Variants in NCR1 observed in about 807,000 individuals in gnomAD.
NCR1 encodes the protein natural cytotoxicity triggering receptor 1.
In NCR1, 30 loss-of-function variants were observed where a neutral mutation model predicts 32.5. The ratio of observed to expected loss-of-function variants is 0.92; its 90% confidence interval spans 0.69 to 1.25. The LOEUF is 1.25. Ranked by LOEUF, NCR1 falls within the 50% of genes most tolerant of loss-of-function variation. The pLI, the probability that NCR1 is intolerant of heterozygous loss-of-function variation, is 0.00. For missense variants in NCR1, 369 were observed against 380.7 expected (o/e 0.97, Z 0.26); for synonymous variants, 169 against 143.4 (o/e 1.18, Z -1.28).
At chr19:54,903,519 T>C (rs183557980), upstream of NCR1, among the ~76,000 whole-genome samples, 3 of 142,370 alleles carry the variant, frequency 2.1e-5, no homozygotes, top group East Asian at 2.0e-4. Context: ...CGCATACATG[T>C]GTGTATACAT....
the NCR1 span, among the ~76,000 whole-genome samples, chr19:54,937,754 G>A: frequency 2.4e-4 from 37 of 151,468 alleles, no homozygotes; most frequent in South Asian, 2.1e-4. Context: ...AAAATTAGCC[G>A]GGCAAGGTGG....
the NCR1 span, among the ~76,000 whole-genome samples, chr19:54,931,339 A>G: frequency 6.6e-6 from 1 of 151,984 alleles, no homozygotes; most frequent in East Asian, 1.9e-4. Context: ...TGGGTGAATC[A>G]CAAGATCAGG....
At chr19:54,933,990 T>G in the NCR1 span, among the ~76,000 whole-genome samples, 6 of 152,200 alleles carry the variant, frequency 3.9e-5, no homozygotes, top group African/African-American at 1.2e-4. Context: ...TCGCCCAGGC[T>G]GGAGTGCAGT....
chr19:54,936,358 G>T, the NCR1 span: 3 of 1,613,970 alleles, frequency 1.9e-6, no homozygotes, highest in East Asian at 2.2e-5. Context: ...AGGGTCAGGT[G>T]CGTGAGGGTC....
upstream of NCR1, among the ~76,000 whole-genome samples, chr19:54,903,560 AC>A (rs2067371085): frequency 6.9e-6 from 1 of 145,324 alleles, no homozygotes; most frequent in Admixed American, 7.1e-5. Flanking sequence ...GTGTATATAT[AC>A]ATATATGTGT....
the NCR1 span, chr19:54,934,640 TG>T: frequency 4.3e-6 from 7 of 1,613,426 alleles, 1 homozygote; most frequent in South Asian, 6.6e-5. This position sits in a 1 kb window ranked among gnomAD's most constrained non-coding sequence, Gnocchi z 6.7. Context: ...TGCTCCGGGG[TG>T]GCACAGTGAC....
chr19:54,907,629 C>T (rs2067704048), intron 3 of NCR1, among the ~76,000 whole-genome samples: 1 of 151,646 alleles, frequency 6.6e-6, no homozygotes, highest in Admixed American at 6.6e-5. Flanking sequence ...ATACTTTGTG[C>T]TAGGAAGGCT....
At chr19:54,904,759 C>T (rs199982189), upstream of NCR1, among the ~76,000 whole-genome samples, 10 of 152,120 alleles carry the variant, frequency 6.6e-5, no homozygotes, top group East Asian at 1.9e-3. Context: ...CTCGAACTCC[C>T]GACCTAAGGT....
chr19:54,908,490 T>A (rs965187115), intron 3 of NCR1, among the ~76,000 whole-genome samples: 1 of 152,156 alleles, frequency 6.6e-6, no homozygotes, highest in Non-Finnish European at 1.5e-5. Context: ...CCGTTCTCAA[T>A]GAGCTGTTGG....
Position 54,910,085 on chromosome 19 carries a change from A to G in NCR1, c.682+20A>G. 6.2e-7 allele frequency: 1 copy of G among 1,612,294 alleles called. No homozygotes were observed. The highest frequency in any genetic ancestry group is 8.5e-7 in the Non-Finnish European group (1 of 1,178,552). On this transcript the variant is annotated intron_variant, in intron 5 of 6. Transcript: ENST00000291890. ...TTCCTGGTGAGTAACTGGTCCTTCT[A>G]AGCTCAGACGAGCGATCAGAGCCTC...
At chr19:54,927,557 A>G in the NCR1 span, 3 of 1,553,262 alleles carry the variant, frequency 1.9e-6, no homozygotes, top group East Asian at 7.1e-5. Context: ...CTCCATCTCA[A>G]AAAAACAAAA....
downstream of NCR1, chr19:54,913,100 TG>T: frequency 2.4e-6 from 1 of 416,320 alleles, no homozygotes; most frequent in Non-Finnish European, 4.3e-6. Flanking sequence ...TTGCCCAGGC[TG>T]GAGTGCAATG....
chr19:54,936,541 G>A, the NCR1 span: 1 of 976,888 alleles, frequency 1.0e-6, no homozygotes, highest in Non-Finnish European at 1.6e-6. Flanking sequence ...GAAGTTCTTG[G>A]CCGGGTGCAG....
At chr19:54,910,193 T>A in intron 5 of NCR1, 128 bp downstream of exon 5, 1 of 880,182 alleles carries the variant, frequency 1.1e-6, no homozygotes, top group Non-Finnish European at 1.8e-6. Flanking sequence ...TCCCAGCACT[T>A]TGGGAGGCCG....
rs1184078688 is a variant in NCR1, at chr19:54,912,684, C to T, written c.734-6C>T. 4.4e-6 allele frequency: 7 copies of T among 1,593,832 alleles called. No individual in the cohort carries two copies. The highest frequency in any genetic ancestry group is 1.1e-5 in the South Asian group (1 of 90,634). ...GTCAGCGATCACCCTGTTCTCCTGCCTACAGACCATGCCCTCTGGGATCAC... is the reference window on the plus strand; with the variant it reads ...GTCAGCGATCACCCTGTTCTCCTGCTTACAGACCATGCCCTCTGGGATCAC... On this transcript the variant is annotated splice_region_variant and splice_polypyrimidine_tract_variant and intron_variant, in intron 6 of 6. Coordinates refer to ENST00000291890, the MANE Select transcript of NCR1 (RefSeq NM_004829.7).
At chr19:54,899,002 G>A in the NCR1 span, among the ~76,000 whole-genome samples, 1 of 152,106 alleles carries the variant, frequency 6.6e-6, no homozygotes, top group Non-Finnish European at 1.5e-5. Context: ...TGGGTCTGTA[G>A]AAAAGGAAGA....
At chr19:54,927,381 C>CAA in the NCR1 span, among the ~76,000 whole-genome samples, 7 of 138,788 alleles carry the variant, frequency 5.0e-5, no homozygotes, top group Admixed American at 5.0e-4. Context: ...AACTCCGTCT[C>CAA]AAAAAAAAAA....
chr19:54,910,331 GGA>G (rs1180633861), intron 5 of NCR1, among the ~76,000 whole-genome samples: 5 of 152,098 alleles, frequency 3.3e-5, no homozygotes, highest in African/African-American at 1.2e-4. Context: ...CAACACTTCG[GGA>G]GGCCAAGGTG....
At position 54,912,829 on chromosome 19, in the gene NCR1, C is replaced by T; in HGVS notation, c.873C>T (p.Ser291=). 1 of 1,613,382 alleles carries T rather than the reference C, an allele frequency of 6.2e-7. No individual in the cohort carries two copies. Among genetic ancestry groups the T allele is most frequent in the Non-Finnish European group, 8.5e-7 (1 of 1,179,954 alleles). The change falls in exon 7 of 7, where the codon TCC becomes TCT. Residue 291 remains serine, a synonymous_variant. Coordinates refer to ENST00000291890, the MANE Select transcript of NCR1 (RefSeq NM_004829.7). ...KRTRERASRA[S]TWEGRRRLNT... The stretch of plus-strand genomic sequence containing the variant: ...CTAGAGAGCGAGCCAGCAGAGCTTC[C>T]ACTTGGGAAGGCAGGAGAAGGCTGA...
Sources: allele counts gnomAD v4.1 joint callset (sites outside exome capture counted in the v4.1 genomes callset), GRCh38; gene constraint gnomAD v4.1.1; non-coding constraint Gnocchi (gnomAD v3.1); transcripts MANE v1.5; gene names NCBI Gene and HGNC (gene_info 2026-07-23, HGNC 2026-07-21).